Variants in EPB42 observed in about 807,000 individuals in gnomAD.
EPB42 encodes the protein protein 4.2.
A neutral mutation model predicts 76.9 loss-of-function variants in EPB42; 49 were observed. The observed-to-expected ratio is 0.64, with a 90% CI of 0.51 to 0.81. EPB42 has a LOEUF of 0.81. Among genes scored for constraint, EPB42 ranks in the 30% least tolerant of loss-of-function variants. The pLI is 0.00. For synonymous variants in EPB42, 310 were observed against 338.4 expected (o/e 0.92, Z 0.92); for missense variants, 731 against 867.6 (o/e 0.84, Z 1.98).
intron 3 of EPB42, among the ~76,000 whole-genome samples, chr15:43,212,436 A>G (rs2042315511): frequency 6.6e-6 from 1 of 152,206 alleles, no homozygotes; most frequent in Non-Finnish European, 1.5e-5. Context: ...CCAGAACACT[A>G]TCGTCCCTGG....
rs768835503 is a variant in EPB42 at position 43,197,390 on chromosome 15, C to T, written c.1988G>A (p.Arg663Lys). The change falls in exon 13 of 13, where the codon AGA (arginine) becomes AAA (lysine). Residue 663 changes from arginine (R) to lysine (K), a missense_variant. Transcript: ENST00000441366. ...GTTGCAGTCCACTTCCACAGTGAGTCTCTGGAGCCCCACATGTGTTGGCGT... is the reference window on the plus strand; with the variant it reads ...GTTGCAGTCCACTTCCACAGTGAGTTTCTGGAGCCCCACATGTGTTGGCGT... The part of the protein sequence containing the change: ...QFTPTHVGLQ[R>K]LTVEVDCNMF... 20 of 1,614,084 alleles carry T rather than the reference C, an allele frequency of 1.2e-5. No individual in the cohort carries two copies. The East Asian group carries it at 4.0e-4, about 32-fold the overall frequency.
At chr15:43,209,661 T>C in intron 5 of EPB42, 1 of 547,448 alleles carries the variant, frequency 1.8e-6, no homozygotes, top group Non-Finnish European at 3.2e-6. Context: ...AGGACCCTCC[T>C]TCTTAACAAG....
rs1398881596 is a variant in EPB42, at chr15:43,206,261, G to A, written c.1618+69C>T. On this transcript the variant is annotated intron_variant, in intron 10 of 12. Transcript: ENST00000441366. The surrounding 1 kb of genome is among the most constrained non-coding windows in gnomAD (Gnocchi z 4.7). ...CTGCAGGGGGTGCCCTGTGGCTGCT[G>A]CCTGCCCAAGGCAGGGGCCATGTGT... 1 of 1,501,214 alleles carries A rather than the reference G, an allele frequency of 6.7e-7. No homozygotes were observed. Among genetic ancestry groups the A allele is most frequent in the South Asian group, 1.3e-5 (1 of 76,648 alleles). 93.0% of individuals were successfully genotyped at this position (1,501,214 alleles called of 1,614,324 possible). A position where few individuals can be genotyped will look rare whatever the true frequency, so the allele number is the denominator to read the frequency against.
chr15:43,216,788 G>C (rs1295005489), intron 1 of EPB42, among the ~76,000 whole-genome samples: 1 of 152,046 alleles, frequency 6.6e-6, no homozygotes, highest in African/African-American at 2.4e-5. Context: ...CCTTTTTCTG[G>C]TCCCAATCCA....
At chr15:43,211,583 C>T (rs1390014065) in intron 3 of EPB42, 49 bp from the exon 4 acceptor site, 2 of 1,216,688 alleles carry the variant, frequency 1.6e-6, no homozygotes, top group South Asian at 1.2e-5. Flanking sequence ...CCTAGGTCCA[C>T]CCTCCACATC....
chr15:43,211,635 GC>G, intron 3 of EPB42, 101 bp from the exon 4 acceptor site: 1 of 835,048 alleles, frequency 1.2e-6, no homozygotes, highest in South Asian at 1.3e-5. Flanking sequence ...TTGGCTGCAG[GC>G]CACCCCGTCA....
upstream of EPB42, among the ~76,000 whole-genome samples, chr15:43,225,555 G>C (rs185709014): frequency 1.3e-5 from 2 of 152,298 alleles, no homozygotes; most frequent in African/African-American, 4.8e-5. Context: ...GGTACCGTTA[G>C]GAACTGTTAG....
intron 9 of EPB42, among the ~76,000 whole-genome samples, 157 bp downstream of exon 9, chr15:43,207,042 G>T (rs982664746): frequency 6.6e-6 from 1 of 152,144 alleles, no homozygotes; most frequent in Non-Finnish European, 1.5e-5. Flanking sequence ...ACATATCTGG[G>T]CCCAAATGTC....
rs781677094 is a variant in EPB42, at chr15:43,215,341, G to A, written c.197-13C>T. On this transcript the variant is annotated splice_polypyrimidine_tract_variant and intron_variant, in intron 2 of 12. Coordinates refer to ENST00000441366, the MANE Select transcript of EPB42 (RefSeq NM_001114134.2). ...GAAGGCTGCTCTCCTGTAGTCACACGGTGATTAGTCTGTCACTGGGACTTC... is the reference window on the plus strand; with the variant it reads ...GAAGGCTGCTCTCCTGTAGTCACACAGTGATTAGTCTGTCACTGGGACTTC... The A allele has an allele frequency of 2.1e-5, 34 of 1,612,744 alleles. No homozygotes were observed. Among genetic ancestry groups the A allele is most frequent in the East Asian group, 4.5e-5 (2 of 44,890 alleles).
At chr15:43,212,369 CAAAAA>C (rs35031544) in intron 3 of EPB42, among the ~76,000 whole-genome samples, 2 of 86,898 alleles carry the variant, frequency 2.3e-5, no homozygotes, top group Non-Finnish European at 2.4e-5. Flanking sequence ...AACTCCGTCT[CAAAAA>C]AAAAAAAAAA....
At chr15:43,208,138 C>T (rs970448811) in intron 8 of EPB42, 92 bp downstream of exon 8, 1 of 1,105,818 alleles carries the variant, frequency 9.0e-7, no homozygotes, top group Non-Finnish European at 1.4e-6. Context: ...GGATGCAGAC[C>T]CCCTTGGGAC....
chr15:43,209,707 C>T (rs992367282), intron 5 of EPB42: 11 of 468,984 alleles, frequency 2.3e-5, no homozygotes, highest in Non-Finnish European at 4.1e-5. Context: ...AGCATTAGAG[C>T]TGCCCTTCCT....
rs913771758 is a variant in EPB42 at position 43,210,925 on chromosome 15, C to A, written c.550-486G>T. ...CAGGGCTCTTGTAGAGATGCCGGCA[C>A]AGAGCAGCACAGTGGAGAGGCTCCC... On this transcript the variant is annotated intron_variant, in intron 4 of 12. Transcript: ENST00000441366. Among the ~76,000 whole-genome samples, 8 of 152,116 alleles carry A rather than the reference C, an allele frequency of 5.3e-5. No individual in the cohort carries two copies. The South Asian group carries it at 1.2e-3, about 24-fold the overall frequency.
In EPB42 at chr15:43,220,832, A is replaced by G; in HGVS notation, c.-7T>C. On this transcript the variant is annotated 5_prime_UTR_variant, in exon 1 of 13. Transcript: ENST00000441366. ...TTGGCTCACCCTGTCCCATGGTTGC[A>G]GGCCGCTCCTCTTATCCACTTGGCC... 1 of 1,610,546 alleles carries G rather than the reference A, an allele frequency of 6.2e-7. No individual in the cohort carries two copies. The highest frequency in any genetic ancestry group is 8.5e-7 in the Non-Finnish European group (1 of 1,179,860).
At position 43,206,743 on chromosome 15, in the gene EPB42, A is replaced by G; in HGVS notation, c.1319-114T>C. The G allele has an allele frequency of 7.6e-7, 1 of 1,308,554 alleles. No homozygotes were observed. Among genetic ancestry groups the G allele is most frequent in the East Asian group, 2.4e-5 (1 of 41,474 alleles). The allele number at this position is 1,308,554 out of a possible 1,614,324, so 81.1% of individuals were successfully genotyped here. On this transcript the variant is annotated intron_variant, in intron 9 of 12. Transcript: ENST00000441366. The surrounding 1 kb of genome is among the most constrained non-coding windows in gnomAD (Gnocchi z 4.7). ...CTTCTGCTCAAATGCCAAAGTCACA[A>G]GAACTCAGCAAGCCTCTAAGGCCAT...
intron 5 of EPB42, chr15:43,209,668 C>G: frequency 1.9e-6 from 1 of 535,668 alleles, no homozygotes; most frequent in Non-Finnish European, 3.3e-6. Context: ...TCCTTCTTAA[C>G]AAGTTCTCTG....
rs1366201471 is a variant in EPB42, at chr15:43,198,521, TG to T, written c.1914-1058del. ...GTAGCAAAGCATTCAAGAGGTGACT[TG>T]GGTGCTGTCAAAGGCATTCAGTTTT... On this transcript the variant is annotated intron_variant, in intron 12 of 12. Coordinates refer to ENST00000441366, the MANE Select transcript of EPB42 (RefSeq NM_001114134.2). Among the ~76,000 whole-genome samples the T allele has an allele frequency of 3.3e-5, 5 of 152,256 alleles. No individual in the cohort carries two copies. In the East Asian group the frequency reaches 9.6e-4, roughly 29 times the overall value.
chr15:43,203,144 C>G lies in EPB42; in HGVS notation c.1750G>C (p.Ala584Pro). The G allele has an allele frequency of 6.2e-7, 1 of 1,613,988 alleles. No individual in the cohort carries two copies. The highest frequency in any genetic ancestry group is 2.2e-5 in the East Asian group (1 of 44,870). ...NLSCFAQEDI[A>P]ICRPHLAIKM... ...ATGGCAAGGTGTGGTCTACAAATGGCAATGTCTTCCTGAGCAAAGCAGCTA... is the reference window on the plus strand; with the variant it reads ...ATGGCAAGGTGTGGTCTACAAATGGGAATGTCTTCCTGAGCAAAGCAGCTA... The change falls in exon 11 of 13, where the codon GCC becomes CCC. Residue 584 changes from alanine (A) to proline (P), a missense_variant. Coordinates refer to ENST00000441366, the MANE Select transcript of EPB42 (RefSeq NM_001114134.2).
chr15:43,216,724 G>A (rs555290440), intron 1 of EPB42, among the ~76,000 whole-genome samples: 5 of 151,976 alleles, frequency 3.3e-5, no homozygotes, highest in African/African-American at 1.2e-4. Flanking sequence ...AAATGAAACT[G>A]TTGTTGTTGT....
Sources: gnomAD v4.1 joint callset for allele counts (sites outside exome capture counted in the v4.1 genomes callset) on GRCh38, gnomAD v4.1.1 for gene constraint, Gnocchi (gnomAD v3.1) non-coding constraint, MANE v1.5 for transcripts, NCBI Gene and HGNC (gene_info 2026-07-23, HGNC 2026-07-21) for gene names.